Variants in ASAH1 observed in about 807,000 individuals in gnomAD.
ASAH1 encodes the protein acid ceramidase.
ASAH1 carries 70 observed loss-of-function variants against 59.5 expected under a neutral mutation model. The observed-to-expected ratio is 1.18, with a 90% CI of 0.97 to 1.43. The LOEUF is 1.43. Among genes scored for constraint, ASAH1 ranks in the 40% most tolerant of loss-of-function variants. The pLI, the probability that ASAH1 is intolerant of heterozygous loss-of-function variation, is 0.00. For synonymous variants in ASAH1, 213 were observed against 166.5 expected (o/e 1.28, Z -2.15); for missense variants, 660 against 482.5 (o/e 1.37, Z -3.45).
chr8:18,084,872 G>A, upstream of ASAH1: 2 of 1,588,006 alleles, frequency 1.3e-6, no homozygotes, highest in Non-Finnish European at 1.7e-6. Flanking sequence ...TTGGGAGGAG[G>A]CGGACGCGAG....
chr8:18,073,814 A>G (rs1451933294), intron 2 of ASAH1, among the ~76,000 whole-genome samples: 1 of 152,250 alleles, frequency 6.6e-6, no homozygotes, highest in East Asian at 1.9e-4. Context: ...TAGAGTTGAG[A>G]GAAGAGAAGG....
At chr8:18,084,919 T>C (rs1800836346), upstream of ASAH1, 2 of 1,441,686 alleles carry the variant, frequency 1.4e-6, no homozygotes, top group Admixed American at 3.9e-5. Context: ...TTTCGTGCCA[T>C]CCGTGGACAC....
At chr8:18,084,230 C>T, upstream of ASAH1, 1 of 1,477,700 alleles carries the variant, frequency 6.8e-7, no homozygotes, top group Non-Finnish European at 8.9e-7. Context: ...GAGGACGGGG[C>T]TTTTCAGTGC....
intron 7 of ASAH1, 140 bp from the exon 8 acceptor site, chr8:18,062,563 G>A: frequency 1.0e-6 from 1 of 960,494 alleles, no homozygotes; most frequent in Non-Finnish European, 1.6e-6. Context: ...TTACAATATG[G>A]TATATTTATT....
rs17636067 is a variant in ASAH1 at position 18,057,617 on chromosome 8, C to T, written c.1105G>A (p.Val369Ile). The change falls in exon 14 of 14, where the codon GTA becomes ATA. Residue 369 changes from valine (V) to isoleucine (I), a missense_variant. Val to Ile is a conservative substitution (Grantham distance 29). Coordinates refer to ENST00000637790, the MANE Select transcript of ASAH1 (RefSeq NM_177924.5). ...STKPVLNKLT[V>I]YTTLIDVTKG... ...GTAACATCTATCAAGGTTGTGTATA[C>T]GGTCAGCTGAAAGAAAAGTTATTTT... 2.5e-3 allele frequency: 4,066 copies of T among 1,598,538 alleles called. 50 individuals carry two copies. In the Admixed American group the frequency reaches 0.034, roughly 13 times the overall value.
chr8:18,062,163 G>T (rs1349477418), intron 8 of ASAH1, 116 bp downstream of exon 8: 16 of 1,365,082 alleles, frequency 1.2e-5, no homozygotes, highest in Non-Finnish European at 1.5e-5. Flanking sequence ...AGTACAAGGG[G>T]GTGAAATGGG....
intron 3 of ASAH1, among the ~76,000 whole-genome samples, chr8:18,070,929 C>T (rs1042263991): frequency 6.6e-6 from 1 of 152,038 alleles, no homozygotes; most frequent in African/African-American, 2.4e-5. Flanking sequence ...GAAATATGGC[C>T]GGGCATGGCG....
Position 18,059,372 on chromosome 8 carries a change from G to A in ASAH1, c.1010C>T (p.Ala337Val). ...PFFLDDRRTP[A>V]KMCLNRTSQE... ...GCTGGTGCGGTTCAGACACATCTTT[G>A]CAGGCGTTCTGCGATCATCAAGGAA... The change falls in exon 12 of 14, where the codon GCA (alanine) becomes GTA (valine). Residue 337 changes from alanine (A) to valine (V), a missense_variant. Ala to Val is a moderately conservative substitution (Grantham distance 64). Coordinates refer to ENST00000637790, the MANE Select transcript of ASAH1 (RefSeq NM_177924.5). 6.2e-7 allele frequency: 1 copy of A among 1,614,190 alleles called. No individual in the cohort carries two copies. Among genetic ancestry groups the A allele is most frequent in the African/African-American group, 1.3e-5 (1 of 75,044 alleles).
chr8:18,069,598 C>A, intron 4 of ASAH1, 194 bp downstream of exon 4: 1 of 530,726 alleles, frequency 1.9e-6, no homozygotes, highest in Non-Finnish European at 3.4e-6. Flanking sequence ...TTTTACGAAA[C>A]CATAATTTGC....
Position 18,056,469 on chromosome 8 carries a change from T to A in ASAH1, c.*1065A>T, listed in dbSNP as rs1311333990. ...GACTGGCACTCTTTCCAGTGACTGT[T>A]TATTGAGTGTCAGGAACACAACTGT... On this transcript the variant is annotated 3_prime_UTR_variant, in exon 14 of 14. Coordinates refer to ENST00000637790, the MANE Select transcript of ASAH1 (RefSeq NM_177924.5). 1.3e-5 allele frequency: 2 copies of A among 152,204 alleles called. No individual in the cohort carries two copies. The highest frequency in any genetic ancestry group is 3.8e-4 in the East Asian group (2 of 5,202). The allele number at this position is 152,204 out of a possible 1,614,324, so 9.4% of individuals were successfully genotyped here. A position where few individuals can be genotyped will look rare whatever the true frequency, so the allele number is the denominator to read the frequency against.
intron 2 of ASAH1, among the ~76,000 whole-genome samples, chr8:18,074,300 C>G (rs958177031): frequency 2.0e-5 from 3 of 152,152 alleles, no homozygotes; most frequent in Non-Finnish European, 4.4e-5. Context: ...GGAATGAACA[C>G]TGGCCCCAAA....
intron 1 of ASAH1, among the ~76,000 whole-genome samples, chr8:18,081,818 C>T (rs1800667617): frequency 6.6e-6 from 1 of 152,110 alleles, no homozygotes; most frequent in Non-Finnish European, 1.5e-5. Context: ...TGAAAAACTG[C>T]TTATTCTTCT....
rs752690807 is a variant in ASAH1, at chr8:18,083,987, C to G, written c.72G>C (p.Ala24=). The G allele has an allele frequency of 1.4e-5, 23 of 1,597,632 alleles. No individual in the cohort carries two copies. The highest frequency in any genetic ancestry group is 2.0e-5 in the Non-Finnish European group (23 of 1,179,352). ...AAVSCAVAQH[A]PPWTEDCRKS... The stretch of plus-strand genomic sequence containing the variant: ...TCGGCTCAAGCTCACTCACCGGCGG[C>G]GCGTGCTGCGCGACGGCACAGCTGA... Residue 24 remains alanine, a synonymous_variant, in exon 1 of 14, where the codon GCG becomes GCC. Coordinates refer to ENST00000637790, the MANE Select transcript of ASAH1 (RefSeq NM_177924.5).
intron 6 of ASAH1, chr8:18,063,557 G>A (rs1038815436): frequency 7.3e-5 from 19 of 259,274 alleles, no homozygotes; most frequent in Non-Finnish European, 1.4e-4. Flanking sequence ...AACCTCAGAT[G>A]ATTCGCCCGC....
At position 18,075,806 on chromosome 8, in the gene ASAH1, C is replaced by T. The variant is rs994018619; in HGVS notation, c.79-219G>A. ...AGTTTCAATTCAATTTGTAAAAGTG[C>T]TAGGTGTTATAATTTGGCTCTAATA... On this transcript the variant is annotated intron_variant, in intron 1 of 13. Coordinates refer to ENST00000637790, the MANE Select transcript of ASAH1 (RefSeq NM_177924.5). The T allele has an allele frequency of 6.9e-6, 4 of 579,224 alleles. No individual in the cohort carries two copies. The African/African-American group carries it at 7.5e-5, about 11-fold the overall frequency. 35.9% of individuals were successfully genotyped at this position (579,224 alleles called of 1,614,324 possible).
At chr8:18,059,797 C>A (rs1030351875) in intron 10 of ASAH1, 94 bp from the exon 11 acceptor site, 3 of 1,298,434 alleles carry the variant, frequency 2.3e-6, no homozygotes, top group Non-Finnish European at 3.2e-6. Context: ...AGTTCTGGGA[C>A]ACATGTGCTG....
intron 13 of ASAH1, chr8:18,058,536 T>C (rs1261865147): frequency 1.5e-5 from 5 of 337,286 alleles, no homozygotes; most frequent in Non-Finnish European, 2.7e-5. Flanking sequence ...ATTTAGGTGT[T>C]AGTTATATAG....
intron 5 of ASAH1, chr8:18,066,602 G>T (rs1799939785): frequency 6.6e-6 from 1 of 151,950 alleles, no homozygotes; most frequent in Non-Finnish European, 1.5e-5. Flanking sequence ...ATCAAGAGGA[G>T]AAAACTGAAA....
At chr8:18,062,745 G>C (rs565166678) in intron 7 of ASAH1, 1 of 407,714 alleles carries the variant, frequency 2.5e-6, no homozygotes, top group Admixed American at 3.9e-5. Flanking sequence ...TGTCCCTCTT[G>C]TCTCAGCACT....
Sources: gnomAD v4.1 joint callset for allele counts (sites outside exome capture counted in the v4.1 genomes callset) on GRCh38, gnomAD v4.1.1 for gene constraint, MANE v1.5 for transcripts, NCBI Gene and HGNC (gene_info 2026-07-23, HGNC 2026-07-21) for gene names.